The following WWOX variants were observed in gnomAD, a reference collection of about 807,000 sequenced individuals.
WWOX encodes the protein WW domain containing oxidoreductase.
WWOX carries 69 observed loss-of-function variants against 46.2 expected under a neutral mutation model. That is an observed-to-expected ratio of 1.49 (90% CI 1.23 to 1.82). The LOEUF is 1.82. Ranked by LOEUF, WWOX falls within the 40% of genes most tolerant of loss-of-function variation. The pLI, the probability that WWOX is intolerant of heterozygous loss-of-function variation, is 0.00. For synonymous variants in WWOX, 359 were observed against 202.6 expected (o/e 1.77, Z -6.56); for missense variants, 919 against 542.6 (o/e 1.69, Z -6.89).
At chr16:78,468,914 C>T (rs1476631703) in intron 8 of WWOX, among the ~76,000 whole-genome samples, 1 of 152,154 alleles carries the variant, frequency 6.6e-6, no homozygotes, top group South Asian at 2.1e-4. Flanking sequence ...CCTGTAACCC[C>T]CTCTACCCCA....
intron 8 of WWOX, among the ~76,000 whole-genome samples, chr16:78,629,318 T>A (rs1054011339): frequency 2.0e-5 from 3 of 151,692 alleles, no homozygotes; most frequent in African/African-American, 7.3e-5. Flanking sequence ...GGAGCACACT[T>A]GATAGCAATG....
chr16:79,168,605 A>T lies in WWOX; in HGVS notation c.1057-43003A>T, dbSNP rs543788067. ...ATGGGGGGCCTAGAAATGTGGAGGG[A>T]GGCAAGAGAGTGATAATTATGCCAT... On this transcript the variant is annotated intron_variant, in intron 8 of 8. Coordinates refer to ENST00000566780, the MANE Select transcript of WWOX (RefSeq NM_016373.4). Among the ~76,000 whole-genome samples, 3 of 151,904 alleles carry T rather than the reference A, an allele frequency of 2.0e-5. No individual in the cohort carries two copies. The East Asian group carries it at 5.8e-4, about 30-fold the overall frequency.
chr16:78,316,194 C>T (rs903302154), intron 5 of WWOX, among the ~76,000 whole-genome samples: 3 of 151,932 alleles, frequency 2.0e-5, no homozygotes, highest in African/African-American at 7.3e-5. Flanking sequence ...TGCATTCAGT[C>T]GAGACCATGC....
intron 8 of WWOX, among the ~76,000 whole-genome samples, chr16:78,783,204 A>G (rs1408333777): frequency 6.6e-6 from 1 of 152,222 alleles, no homozygotes; most frequent in African/African-American, 2.4e-5. Flanking sequence ...TTGGAGATAC[A>G]TGCACCAGAC....
At chr16:78,852,489 A>G (rs1435095564) in intron 8 of WWOX, among the ~76,000 whole-genome samples, 3 of 152,190 alleles carry the variant, frequency 2.0e-5, no homozygotes, top group Admixed American at 6.5e-5. Flanking sequence ...GCCAGCCAAC[A>G]TGAGCGAGCC....
intron 8 of WWOX, among the ~76,000 whole-genome samples, chr16:79,091,185 C>G (rs565830223): frequency 6.6e-6 from 1 of 152,300 alleles, no homozygotes; most frequent in African/African-American, 2.4e-5. Context: ...ATCCTTCCCC[C>G]AGACTTTTTC....
At chr16:78,904,331 C>T (rs771439909) in intron 8 of WWOX, among the ~76,000 whole-genome samples, 4 of 150,254 alleles carry the variant, frequency 2.7e-5, no homozygotes, top group East Asian at 2.0e-4. Context: ...CTCTGCCTCC[C>T]GGGTTCAAGC....
intron 8 of WWOX, among the ~76,000 whole-genome samples, chr16:78,713,110 C>G (rs538998868): frequency 9.3e-5 from 14 of 151,136 alleles, no homozygotes. Flanking sequence ...ATCTCTACAC[C>G]GAATTTAAAA....
intron 8 of WWOX, among the ~76,000 whole-genome samples, chr16:78,725,437 TC>T: frequency 6.9e-6 from 1 of 144,042 alleles, no homozygotes; most frequent in South Asian, 2.3e-4. Flanking sequence ...AAACTCCACT[TC>T]CCGGATTTAA....
chr16:78,168,964 T>C (rs1335216280), intron 5 of WWOX, among the ~76,000 whole-genome samples: 2 of 152,108 alleles, frequency 1.3e-5, no homozygotes, highest in Non-Finnish European at 1.5e-5. Context: ...CAGGATAACA[T>C]GGACAGTACA....
chr16:79,015,570 CT>C (rs1172075235), intron 8 of WWOX, among the ~76,000 whole-genome samples: 2 of 152,102 alleles, frequency 1.3e-5, no homozygotes, highest in Non-Finnish European at 2.9e-5. Context: ...CCTGGTTCAA[CT>C]CATGAGGAGG....
At chr16:78,857,787 A>G (rs888624426) in intron 8 of WWOX, among the ~76,000 whole-genome samples, 11 of 152,196 alleles carry the variant, frequency 7.2e-5, no homozygotes, top group African/African-American at 2.7e-4. Flanking sequence ...ACAGGAGAAA[A>G]GAACATCTGC....
intron 8 of WWOX, among the ~76,000 whole-genome samples, chr16:78,754,120 G>A (rs910092541): frequency 4.0e-5 from 6 of 151,894 alleles, no homozygotes; most frequent in East Asian, 3.9e-4. Flanking sequence ...AATGGATTCC[G>A]CCAGGCATTT....
intron 8 of WWOX, among the ~76,000 whole-genome samples, chr16:79,095,206 T>A (rs2049044171): frequency 6.6e-6 from 1 of 151,922 alleles, no homozygotes; most frequent in African/African-American, 2.4e-5. Context: ...GTCGTTTTCC[T>A]TTCTACCCCA....
intron 5 of WWOX, among the ~76,000 whole-genome samples, chr16:78,300,307 C>T (rs1390112023): frequency 3.3e-5 from 5 of 152,188 alleles, no homozygotes; most frequent in South Asian, 4.2e-4. Flanking sequence ...TATTGTCATC[C>T]GTATCTGAAG....
chr16:78,737,548 T>C (rs1229496800), intron 8 of WWOX, among the ~76,000 whole-genome samples: 1 of 152,136 alleles, frequency 6.6e-6, no homozygotes, highest in East Asian at 1.9e-4. Flanking sequence ...GGGCAGTGTA[T>C]ACTGTAGCCA....
chr16:78,157,294 G>C (rs139937836), intron 4 of WWOX, among the ~76,000 whole-genome samples: 4 of 152,136 alleles, frequency 2.6e-5, no homozygotes, highest in South Asian at 2.1e-4. Flanking sequence ...AGATCAGTCA[G>C]CAAGACTTTG....
At chr16:78,446,276 A>G (rs146306224) in intron 8 of WWOX, among the ~76,000 whole-genome samples, 135 of 152,322 alleles carry the variant, frequency 8.9e-4, no homozygotes, top group African/African-American at 3.1e-3. Flanking sequence ...GAGAGGAAGT[A>G]TGGAAAGAGC....
At chr16:78,886,822 C>G (rs574157524) in intron 8 of WWOX, among the ~76,000 whole-genome samples, 1 of 152,044 alleles carries the variant, frequency 6.6e-6, no homozygotes, top group Non-Finnish European at 1.5e-5. Flanking sequence ...AAAGCTTATT[C>G]AGAGTCCTTC....
Sources: gnomAD v4.1 joint callset for allele counts (sites outside exome capture counted in the v4.1 genomes callset) on GRCh38, gnomAD v4.1.1 for gene constraint, MANE v1.5 for transcripts, NCBI Gene and HGNC (gene_info 2026-07-23, HGNC 2026-07-21) for gene names.